The following SAMTOR variants were observed in gnomAD, a reference collection of about 807,000 sequenced individuals.
SAMTOR encodes UPF0532 protein C7orf60.
the SAMTOR span, among the ~76,000 whole-genome samples, chr7:112,883,540 C>T: frequency 3.3e-5 from 5 of 152,194 alleles, no homozygotes. Context: ...AACTGTATTC[C>T]TATTTATAGC....
the SAMTOR span, among the ~76,000 whole-genome samples, chr7:112,890,751 T>TATC: frequency 6.6e-6 from 1 of 151,572 alleles, no homozygotes; most frequent in African/African-American, 2.4e-5. Context: ...CAGTGAGAGG[T>TATC]GTGATCTCTA....
At chr7:112,936,301 TTA>T in the SAMTOR span, among the ~76,000 whole-genome samples, 2 of 152,222 alleles carry the variant, frequency 1.3e-5, no homozygotes, top group Admixed American at 6.5e-5. Flanking sequence ...CCATTTCTTT[TTA>T]GTAACTGCTT....
chr7:112,848,206 A>T, the SAMTOR span, among the ~76,000 whole-genome samples: 1 of 152,140 alleles, frequency 6.6e-6, no homozygotes, highest in Non-Finnish European at 1.5e-5. Flanking sequence ...ATATTAAGTA[A>T]CTATAATTAT....
chr7:112,882,845 C>T, the SAMTOR span, among the ~76,000 whole-genome samples: 127 of 150,126 alleles, frequency 8.5e-4, no homozygotes, highest in East Asian at 0.023. Context: ...ACTAGGATCA[C>T]CTCCAATATT....
the SAMTOR span, among the ~76,000 whole-genome samples, chr7:112,921,900 C>A: frequency 1.3e-5 from 2 of 151,606 alleles, no homozygotes; most frequent in Admixed American, 6.6e-5. Flanking sequence ...TACCATCTCA[C>A]ACCACTTAGA....
chr7:112,879,516 G>T, the SAMTOR span, among the ~76,000 whole-genome samples: 2 of 152,130 alleles, frequency 1.3e-5, no homozygotes, highest in Admixed American at 6.5e-5. Context: ...TACAGAAGTT[G>T]ATTGTCATTA....
the SAMTOR span, among the ~76,000 whole-genome samples, chr7:112,873,687 T>C: frequency 2.0e-5 from 3 of 152,032 alleles, no homozygotes; most frequent in South Asian, 2.1e-4. Context: ...TACAAAGCAA[T>C]TGCTACAAAA....
the SAMTOR span, among the ~76,000 whole-genome samples, chr7:112,860,912 C>CAAAA: frequency 4.4e-5 from 2 of 45,914 alleles, no homozygotes; most frequent in African/African-American, 1.6e-4. Context: ...GACTCTGTCT[C>CAAAA]AAAAAAAAAA....
the SAMTOR span, among the ~76,000 whole-genome samples, chr7:112,918,543 C>T: frequency 8.0e-4 from 122 of 152,204 alleles, no homozygotes; most frequent in African/African-American, 1.5e-3. Flanking sequence ...CATCAACTAA[C>T]GAGCAAAATA....
At chr7:112,823,422 A>G in the SAMTOR span, among the ~76,000 whole-genome samples, 1 of 152,298 alleles carries the variant, frequency 6.6e-6, no homozygotes, top group Middle Eastern at 3.4e-3. Flanking sequence ...CCAGCAGGCA[A>G]CCATTGAAGT....
the SAMTOR span, among the ~76,000 whole-genome samples, chr7:112,887,013 A>G: frequency 6.6e-6 from 1 of 151,868 alleles, no homozygotes; most frequent in Non-Finnish European, 1.5e-5. Flanking sequence ...AAAAATACAA[A>G]AAATTAGCTG....
At chr7:112,898,575 G>A in the SAMTOR span, among the ~76,000 whole-genome samples, 3 of 152,176 alleles carry the variant, frequency 2.0e-5, no homozygotes, top group African/African-American at 7.2e-5. Context: ...TCTGCCCTGG[G>A]GGGATGGACC....
At chr7:112,889,453 G>A in the SAMTOR span, among the ~76,000 whole-genome samples, 5 of 152,270 alleles carry the variant, frequency 3.3e-5, no homozygotes, top group South Asian at 8.3e-4. Context: ...ATAGGTCCAT[G>A]TGACCAGAAT....
chr7:112,851,761 T>G, the SAMTOR span, among the ~76,000 whole-genome samples: 1 of 152,040 alleles, frequency 6.6e-6, no homozygotes, highest in South Asian at 2.1e-4. Flanking sequence ...GCATCCTACA[T>G]AGGGCTAATA....
chr7:112,840,604 G>A, the SAMTOR span, among the ~76,000 whole-genome samples: 2 of 151,650 alleles, frequency 1.3e-5, no homozygotes, highest in African/African-American at 4.8e-5. Context: ...AGATAATAAT[G>A]TTATCTGGAT....
At chr7:112,819,551 A>C in the SAMTOR span, 1 of 152,396 alleles carries the variant, frequency 6.6e-6, no homozygotes, top group Admixed American at 6.5e-5. Flanking sequence ...TATCAGTTTA[A>C]ATCTGTGCCA....
chr7:112,851,951 CCA>C, the SAMTOR span, among the ~76,000 whole-genome samples: 21 of 152,090 alleles, frequency 1.4e-4, no homozygotes, highest in Non-Finnish European at 2.8e-4. Context: ...TCATCTAACA[CCA>C]GTTAGAAAGG....
At chr7:112,925,515 T>C in the SAMTOR span, among the ~76,000 whole-genome samples, 3,417 of 152,250 alleles carry the variant, frequency 0.022, 65 homozygotes, top group Admixed American at 0.042. Context: ...ACAACTTGGT[T>C]GGGTGTGGTA....
chr7:112,903,417 A>G, the SAMTOR span, among the ~76,000 whole-genome samples: 2 of 152,062 alleles, frequency 1.3e-5, no homozygotes, highest in African/African-American at 4.8e-5. Flanking sequence ...AAGTGCAATG[A>G]GTTATCCCTG....
Sources: gnomAD v4.1 joint callset for allele counts (sites outside exome capture counted in the v4.1 genomes callset) on GRCh38, gnomAD v4.1.1 for gene constraint, MANE v1.5 for transcripts, NCBI Gene and HGNC (gene_info 2026-07-23, HGNC 2026-07-21) for gene names.